Variants in TXNL4A observed in about 807,000 individuals in gnomAD.
TXNL4A encodes the protein thioredoxin like 4A, also known as thioredoxin-like protein 4A.
TXNL4A carries 17 observed loss-of-function variants against 14.6 expected under a neutral mutation model. That is an observed-to-expected ratio of 1.16 (90% CI 0.80 to 1.74). The LOEUF (loss-of-function observed/expected upper bound fraction) is 1.74. Ranked by LOEUF, TXNL4A falls within the 40% of genes most tolerant of loss-of-function variation. TXNL4A has a pLI of 0.00. For missense variants in TXNL4A, 74 were observed against 195.2 expected (o/e 0.38, Z 3.70); for synonymous variants, 83 against 70.6 (o/e 1.18, Z -0.88).
upstream of TXNL4A, among the ~76,000 whole-genome samples, chr18:79,992,485 G>T (rs975946377): frequency 6.6e-6 from 1 of 152,148 alleles, no homozygotes; most frequent in Non-Finnish European, 1.5e-5. Flanking sequence ...CAGACCCAGG[G>T]CTTACATACT....
At chr18:79,978,399 T>C (rs2051412107) in intron 1 of TXNL4A, among the ~76,000 whole-genome samples, 2 of 152,150 alleles carry the variant, frequency 1.3e-5, no homozygotes, top group Non-Finnish European at 1.5e-5. Flanking sequence ...TTTCTGTTAT[T>C]TTTTCTTTAA....
Position 80,012,132 on chromosome 18 carries a change from G to A in TXNL4A, c.-61+21719C>T, listed in dbSNP as rs369035598. Among the ~76,000 whole-genome samples the A allele has an allele frequency of 3.3e-5, 5 of 152,204 alleles. No individual in the cohort carries two copies. In the East Asian group the frequency reaches 7.7e-4, roughly 24 times the overall value. The stretch of plus-strand genomic sequence containing the variant: ...CGGGGTACCCACCGGGTAGTGTGGG[G>A]CTGGTTTCCCCAATAATTTTGATAG... On this transcript the variant is annotated intron_variant, in intron 1 of 2. Coordinates refer to the TXNL4A transcript ENST00000585474.
intron 1 of TXNL4A, among the ~76,000 whole-genome samples, chr18:80,033,661 C>T (rs1233598278): frequency 6.6e-6 from 1 of 152,248 alleles, no homozygotes; most frequent in Non-Finnish European, 1.5e-5. Flanking sequence ...TACGTCAGTT[C>T]CCAGTATTTA....
At chr18:79,999,732 T>C (rs1170750187) in intron 1 of TXNL4A, among the ~76,000 whole-genome samples, 1 of 152,024 alleles carries the variant, frequency 6.6e-6, no homozygotes, top group Admixed American at 6.6e-5. Context: ...AAACATATGA[T>C]ATAGTTTGGC....
At chr18:80,018,269 C>G (rs1217634850) in intron 1 of TXNL4A, among the ~76,000 whole-genome samples, 1 of 152,158 alleles carries the variant, frequency 6.6e-6, no homozygotes, top group African/African-American at 2.4e-5. Flanking sequence ...CAGAAATACA[C>G]ATGTTCTTTG....
At chr18:79,987,703 T>C (rs2051574129) in intron 1 of TXNL4A, among the ~76,000 whole-genome samples, 2 of 152,208 alleles carry the variant, frequency 1.3e-5, no homozygotes, top group Admixed American at 1.3e-4. Context: ...ACAAAGCATA[T>C]TTCTATTTTC....
At chr18:80,003,965 G>A (rs536214360) in intron 1 of TXNL4A, among the ~76,000 whole-genome samples, 1 of 152,166 alleles carries the variant, frequency 6.6e-6, no homozygotes, top group Non-Finnish European at 1.5e-5. Context: ...GCTTGGTCCT[G>A]CTCTTGACAC....
chr18:79,980,832 G>T (rs907251693), intron 1 of TXNL4A, among the ~76,000 whole-genome samples: 6 of 152,142 alleles, frequency 3.9e-5, no homozygotes, highest in Non-Finnish European at 7.3e-5. Context: ...ACGGCCCACT[G>T]CAGGGGCATG....
chr18:80,020,383 T>C (rs2051840672), intron 1 of TXNL4A, among the ~76,000 whole-genome samples: 1 of 152,206 alleles, frequency 6.6e-6, no homozygotes, highest in Non-Finnish European at 1.5e-5. Context: ...ACAGACTTCC[T>C]TTAGAGGATA....
intron 1 of TXNL4A, among the ~76,000 whole-genome samples, chr18:79,987,060 C>T (rs1050711630): frequency 2.6e-5 from 4 of 152,190 alleles, no homozygotes; most frequent in African/African-American, 9.7e-5. Context: ...AGCTACTCCA[C>T]CTCCATCCCT....
chr18:79,974,182 G>T (rs1365558198), intron 2 of TXNL4A, among the ~76,000 whole-genome samples: 1 of 152,180 alleles, frequency 6.6e-6, no homozygotes, highest in Non-Finnish European at 1.5e-5. Context: ...GGAGGCTGAG[G>T]CAGGAGGATC....
In TXNL4A at chr18:80,022,384, A is replaced by T. The variant is rs200538841; in HGVS notation, c.-61+11467T>A. ...CTGCCAAAAGGGTGGGGTTAACTGT[A>T]CAATGCTTACAAAGATTTAGGTTAT... On this transcript the variant is annotated intron_variant, in intron 1 of 2. Coordinates refer to the TXNL4A transcript ENST00000585474. 2.6e-5 allele frequency among the ~76,000 whole-genome samples: 4 copies of T among 152,372 alleles called. No individual in the cohort carries two copies. In the East Asian group the frequency reaches 7.7e-4, roughly 29 times the overall value.
At chr18:80,004,232 C>A (rs4799119) in intron 1 of TXNL4A, among the ~76,000 whole-genome samples, 1 of 151,946 alleles carries the variant, frequency 6.6e-6, no homozygotes, top group Non-Finnish European at 1.5e-5. Flanking sequence ...TATGTTTCCT[C>A]CAGGGCTGTT....
intron 1 of TXNL4A, among the ~76,000 whole-genome samples, chr18:80,008,732 T>C (rs1448416922): frequency 6.6e-6 from 1 of 152,158 alleles, no homozygotes; most frequent in Non-Finnish European, 1.5e-5. Flanking sequence ...TGTCTCACTT[T>C]CCTTTGAAAG....
At chr18:79,974,906 T>C (rs891720243) in intron 2 of TXNL4A, among the ~76,000 whole-genome samples, 1 of 152,138 alleles carries the variant, frequency 6.6e-6, no homozygotes, top group African/African-American at 2.4e-5. Flanking sequence ...TTTTTTAACG[T>C]TCACTTCCAC....
intron 1 of TXNL4A, among the ~76,000 whole-genome samples, chr18:79,999,260 G>C (rs1198182312): frequency 2.6e-5 from 4 of 152,122 alleles, no homozygotes; most frequent in Non-Finnish European, 5.9e-5. Context: ...TCTAGGCCGG[G>C]TGCAGTGACT....
At chr18:79,985,701 G>A (rs2051536546) in intron 1 of TXNL4A, 1 of 152,202 alleles carries the variant, frequency 6.6e-6, no homozygotes, top group Non-Finnish European at 1.5e-5. Flanking sequence ...AATCCAGCAT[G>A]AAGTCAAGTG....
At chr18:80,017,396 T>A (rs2051818784) in intron 1 of TXNL4A, among the ~76,000 whole-genome samples, 1 of 151,434 alleles carries the variant, frequency 6.6e-6, no homozygotes, top group African/African-American at 2.4e-5. Flanking sequence ...CTTCCAACAC[T>A]ATGTTGAATA....
rs550957640 is a variant in TXNL4A, at chr18:80,008,716, T to C, written c.-61+25135A>G. Reference sequence around the variant, plus strand: ...GTCACATCCATCTCCTGGGACTGTATGAGTCTGTCTCACTTTCCTTTGAAA... The same window carrying C: ...GTCACATCCATCTCCTGGGACTGTACGAGTCTGTCTCACTTTCCTTTGAAA... On this transcript the variant is annotated intron_variant, in intron 1 of 2. Transcript: ENST00000585474. 5.9e-5 allele frequency among the ~76,000 whole-genome samples: 9 copies of C among 152,302 alleles called. No individual in the cohort carries two copies. The South Asian group carries it at 1.7e-3, about 28-fold the overall frequency.
Sources: gnomAD v4.1 joint callset for allele counts (sites outside exome capture counted in the v4.1 genomes callset) on GRCh38, gnomAD v4.1.1 for gene constraint, MANE v1.5 for transcripts, NCBI Gene and HGNC (gene_info 2026-07-23, HGNC 2026-07-21) for gene names.